Variants in EHMT1 observed in about 807,000 individuals in gnomAD.
EHMT1 encodes histone-lysine N-methyltransferase EHMT1.
Under a neutral mutation model 147.2 loss-of-function variants are expected in EHMT1, and 15 were observed. The ratio of observed to expected loss-of-function variants is 0.10; its 90% confidence interval spans 0.07 to 0.16. The LOEUF (loss-of-function observed/expected upper bound fraction) is 0.16. Among genes scored for constraint, EHMT1 ranks in the 10% least tolerant of loss-of-function variants. The pLI, the probability that EHMT1 is intolerant of heterozygous loss-of-function variation, is 1.00. For synonymous variants in EHMT1, 795 were observed against 709.6 expected, an observed-to-expected ratio of 1.12 and a Z score of -1.91; for missense variants, 1,587 against 1,772.4, an observed-to-expected ratio of 0.90 and a Z score of 1.88.
Position 137,802,851 on chromosome 9 carries a change from G to A in EHMT1, c.2712+1867G>A, listed in dbSNP as rs964811882. 69 of 1,231,928 alleles carry A rather than the reference G, an allele frequency of 5.6e-5. No individual in the cohort carries two copies. In the African/African-American group the frequency reaches 9.9e-4, roughly 18 times the overall value. 76.3% of individuals were successfully genotyped at this position (1,231,928 alleles called of 1,614,324 possible). A position where few individuals can be genotyped will look rare whatever the true frequency, so the allele number is the denominator to read the frequency against. ...TCCACCGGAGTTCTTTCCCACTGCG[G>A]GTTAGGATGACGGCACCATGAAGAG... On this transcript the variant is annotated intron_variant, in intron 18 of 26. Coordinates refer to ENST00000460843, the MANE Select transcript of EHMT1 (RefSeq NM_024757.5).
rs1013433372 is a variant in EHMT1 at position 137,788,330 on chromosome 9, C to G, written c.2383-2518C>G. 3.6e-5 allele frequency: 14 copies of G among 383,758 alleles called. No individual in the cohort carries two copies. In the Admixed American group the frequency reaches 5.5e-4, roughly 15 times the overall value. The allele number at this position is 383,758 out of a possible 1,614,324, so 23.8% of individuals were successfully genotyped here. A position where few individuals can be genotyped will look rare whatever the true frequency, so the allele number is the denominator to read the frequency against. ...ACTGGCATGCAGCACTCAGGGGGCC[C>G]AGGACGTTGGCGAAGGCTCCACCCG... On this transcript the variant is annotated intron_variant, in intron 15 of 26. Transcript: ENST00000460843.
At chr9:137,734,145 A>T (rs1422172213) in intron 4 of EHMT1, among the ~76,000 whole-genome samples, 1 of 152,190 alleles carries the variant, frequency 6.6e-6, no homozygotes, top group Non-Finnish European at 1.5e-5. Flanking sequence ...GTCAACAGAA[A>T]CTGTTCCCAG....
At chr9:137,811,369 C>A in intron 18 of EHMT1, 92 bp from the exon 19 acceptor site, 1 of 1,581,256 alleles carries the variant, frequency 6.3e-7, no homozygotes, top group Non-Finnish European at 8.6e-7. Flanking sequence ...AGAGCCTCTC[C>A]CCGGGCACAT....
chr9:137,637,469 C>A (rs892552993), intron 1 of EHMT1: 5 of 152,260 alleles, frequency 3.3e-5, no homozygotes, highest in African/African-American at 1.2e-4. Flanking sequence ...GCCACTGCAC[C>A]TGGCCTAAAA....
In EHMT1 at chr9:137,776,547, A is replaced by T; in HGVS notation, c.1792-71A>T. 1 of 1,492,414 alleles carries T rather than the reference A, an allele frequency of 6.7e-7. No individual in the cohort carries two copies. 92.4% of individuals were successfully genotyped at this position (1,492,414 alleles called of 1,614,324 possible). A position where few individuals can be genotyped will look rare whatever the true frequency, so the allele number is the denominator to read the frequency against. On this transcript the variant is annotated intron_variant, in intron 11 of 26. Transcript: ENST00000460843. This position sits in a 1 kb window ranked among gnomAD's most constrained non-coding sequence, Gnocchi z 4.4. ...CCGATGTGGGATGCGGTGCCAGTTT[A>T]GTAGTACTTTATTTTTCTAAATATT...
At chr9:137,815,569 C>T (rs528237982) in intron 22 of EHMT1, 3 of 337,854 alleles carry the variant, frequency 8.9e-6, no homozygotes, top group Admixed American at 4.1e-5. Context: ...GGCAAGGAGG[C>T]CAGGAGTGCA....
intron 1 of EHMT1, among the ~76,000 whole-genome samples, chr9:137,636,196 A>G (rs529283380): frequency 2.8e-4 from 42 of 152,318 alleles, no homozygotes; most frequent in Non-Finnish European, 5.0e-4. Context: ...CTGGGATTAT[A>G]GGCGTGAGCC....
intron 3 of EHMT1, among the ~76,000 whole-genome samples, chr9:137,723,868 C>G (rs1483039760): frequency 6.6e-6 from 1 of 152,224 alleles, no homozygotes; most frequent in East Asian, 1.9e-4. Context: ...GTGGCCAGAA[C>G]CAAGGGATTT....
intron 24 of EHMT1, 158 bp from the exon 25 acceptor site, chr9:137,817,902 C>T: frequency 4.0e-6 from 3 of 742,818 alleles, no homozygotes; most frequent in South Asian, 1.5e-5. Context: ...TCAGCTGAAA[C>T]CCCAGTTCAA....
intron 1 of EHMT1, 28 bp from the exon 2 acceptor site, chr9:137,710,939 G>A: frequency 5.1e-6 from 8 of 1,581,946 alleles, no homozygotes; most frequent in Non-Finnish European, 6.9e-6. Context: ...ACTGAACCCG[G>A]CTGACGGCTG....
At position 137,701,982 on chromosome 9, in the gene EHMT1, C is replaced by T. The variant is rs374963918; in HGVS notation, c.22-8985C>T. Among the ~76,000 whole-genome samples, 10 of 152,144 alleles carry T rather than the reference C, an allele frequency of 6.6e-5. No homozygotes were observed. The Middle Eastern group carries it at 0.01, about 155-fold the overall frequency. ...TTAATTTTTGTATTTTTAGTAGAAA[C>T]GGGGTTTCACCATGTTGGCCAGGCT... On this transcript the variant is annotated intron_variant, in intron 1 of 26. Transcript: ENST00000460843.
chr9:137,746,929 A>T (rs529276043), intron 6 of EHMT1: 2 of 150,834 alleles, frequency 1.3e-5, no homozygotes, highest in South Asian at 4.1e-4. Flanking sequence ...CTGTCAAGGC[A>T]CGAAAAGAAT....
At chr9:137,814,622 G>A (rs1954776400) in intron 22 of EHMT1, 114 bp downstream of exon 22, 1 of 1,244,854 alleles carries the variant, frequency 8.0e-7, no homozygotes, top group African/African-American at 1.5e-5. Context: ...TCGGGAAGGA[G>A]TTGGAGGTGA....
intron 1 of EHMT1, chr9:137,676,009 C>T (rs1392902219): frequency 1.3e-5 from 2 of 151,330 alleles, no homozygotes; most frequent in Admixed American, 6.6e-5. Context: ...TGGTCTCGAT[C>T]TCCTGACCTC....
chr9:137,775,213 G>C lies in EHMT1; in HGVS notation c.1752G>C (p.Lys584Asn). 6.2e-7 allele frequency: 1 copy of C among 1,613,338 alleles called. No individual in the cohort carries two copies. Among genetic ancestry groups the C allele is most frequent in the Non-Finnish European group, 8.5e-7 (1 of 1,180,012 alleles). The stretch of plus-strand genomic sequence containing the variant: ...AAGACCACCGGGGCCGCATGGTGAA[G>C]CACCAGTGCTGTCCTGGCTGTGGCT... ...LCEDHRGRMVKHQCCPGCGYF... is the reference protein window; with the variant it reads ...LCEDHRGRMVNHQCCPGCGYF... Residue 584 changes from lysine (K) to asparagine (N), a missense_variant, in exon 11 of 27, where the codon AAG becomes AAC. Lys to Asn is a moderately conservative substitution (Grantham distance 94). This residue lies in a region of EHMT1 where 124 missense variants were observed against 197.8 expected (regional missense o/e 0.63). Coordinates refer to ENST00000460843, the MANE Select transcript of EHMT1 (RefSeq NM_024757.5). This position sits in a 1 kb window ranked among gnomAD's most constrained non-coding sequence, Gnocchi z 6.1.
intron 1 of EHMT1, among the ~76,000 whole-genome samples, chr9:137,704,637 C>G (rs1268770361): frequency 6.6e-6 from 1 of 152,020 alleles, no homozygotes; most frequent in African/African-American, 2.4e-5. Flanking sequence ...GCTTGGTATC[C>G]TCTCTTCTTT....
chr9:137,695,197 A>G (rs1943301391), intron 1 of EHMT1, among the ~76,000 whole-genome samples: 2 of 152,116 alleles, frequency 1.3e-5, no homozygotes, highest in Non-Finnish European at 2.9e-5. Context: ...TTCTGTAAGG[A>G]GCACTTAGAC....
intron 9 of EHMT1, among the ~76,000 whole-genome samples, chr9:137,758,602 T>G (rs1949561042): frequency 6.6e-6 from 1 of 152,188 alleles, no homozygotes; most frequent in Admixed American, 6.5e-5. Context: ...AGCTAATACC[T>G]ATTTGATTAT....
chr9:137,752,533 G>C (rs1949050272), intron 7 of EHMT1, 125 bp downstream of exon 7: 3 of 1,158,466 alleles, frequency 2.6e-6, no homozygotes, highest in Admixed American at 2.0e-5. Context: ...CTTGGAGCTG[G>C]TCATGGTGAT....
Sources: gnomAD v4.1 joint callset for allele counts (sites outside exome capture counted in the v4.1 genomes callset) on GRCh38, gnomAD v4.1.1 for gene constraint, gnomAD v4.1.1 regional missense constraint, Gnocchi (gnomAD v3.1) non-coding constraint, MANE v1.5 for transcripts, NCBI Gene and HGNC (gene_info 2026-07-23, HGNC 2026-07-21) for gene names.